DLC1: variants seen among roughly 807,000 people sequenced by gnomAD.
The protein encoded by DLC1 is DLC1 Rho GTPase activating protein.
In DLC1, 54 loss-of-function variants were observed where a neutral mutation model predicts 140.3. The observed-to-expected ratio is 0.38, with a 90% confidence interval of 0.31 to 0.48. The LOEUF is 0.48. Among genes scored for constraint, DLC1 ranks in the 20% least tolerant of loss-of-function variants. The probability of loss-of-function intolerance (pLI) is 0.96; values close to 1 mark genes in which losing one functional copy is unlikely to be tolerated. For missense variants in DLC1, 2,536 were observed against 1,907.0 expected (o/e 1.33, Z -6.14); for synonymous variants, 986 against 728.1 (o/e 1.35, Z -5.70).
At chr8:13,144,796 T>G (rs1414630847) in intron 5 of DLC1, among the ~76,000 whole-genome samples, 1 of 152,132 alleles carries the variant, frequency 6.6e-6, no homozygotes, top group East Asian at 1.9e-4. Flanking sequence ...AAATTCTCTC[T>G]CATCCATCTA....
chr8:13,303,826 T>C (rs1187745484), intron 5 of DLC1, among the ~76,000 whole-genome samples: 1 of 152,046 alleles, frequency 6.6e-6, no homozygotes, highest in African/African-American at 2.4e-5. Context: ...AAAATAAAAA[T>C]ATTTTCAAAA....
intron 5 of DLC1, among the ~76,000 whole-genome samples, chr8:13,240,089 C>A (rs1350648564): frequency 6.6e-6 from 1 of 151,922 alleles, no homozygotes; most frequent in African/African-American, 2.4e-5. Flanking sequence ...TTTTTTTAAG[C>A]CCCTCATGGA....
At chr8:13,309,278 C>G (rs772049891) in intron 4 of DLC1, among the ~76,000 whole-genome samples, 3 of 152,078 alleles carry the variant, frequency 2.0e-5, no homozygotes, top group Non-Finnish European at 2.9e-5. Context: ...GGAAAGTCTA[C>G]AAATGACTTC....
chr8:13,581,499 A>G (rs528799394), intron 1 of DLC1, among the ~76,000 whole-genome samples: 1 of 152,294 alleles, frequency 6.6e-6, no homozygotes, highest in East Asian at 1.9e-4. Flanking sequence ...CTGATGTACT[A>G]TGTCCAATCC....
intron 5 of DLC1, among the ~76,000 whole-genome samples, chr8:13,124,783 C>G (rs972225119): frequency 1.3e-5 from 2 of 152,198 alleles, no homozygotes; most frequent in African/African-American, 4.8e-5. Context: ...CACCTTCTCT[C>G]TAAGACCACC....
intron 1 of DLC1, among the ~76,000 whole-genome samples, chr8:13,602,431 C>T (rs1266169869): frequency 1.3e-5 from 2 of 151,610 alleles, no homozygotes; most frequent in East Asian, 1.9e-4. Context: ...TCATTGCATT[C>T]CAGTAATTTA....
At chr8:13,171,820 C>T (rs1175860919) in intron 5 of DLC1, among the ~76,000 whole-genome samples, 1 of 152,074 alleles carries the variant, frequency 6.6e-6, no homozygotes, top group Non-Finnish European at 1.5e-5. Flanking sequence ...CCCTTGGGGA[C>T]GTCAGTGTTT....
chr8:13,555,050 A>T (rs2117366810), intron 1 of DLC1, among the ~76,000 whole-genome samples: 1 of 152,306 alleles, frequency 6.6e-6, no homozygotes, highest in African/African-American at 2.4e-5. Context: ...TGCTCTTCTC[A>T]TTGGCTGTTC....
chr8:13,175,563 TA>T (rs927115259), intron 5 of DLC1, among the ~76,000 whole-genome samples: 5 of 152,182 alleles, frequency 3.3e-5, no homozygotes, highest in South Asian at 2.1e-4. Flanking sequence ...AAATTCAACT[TA>T]AAAAAATAAC....
chr8:13,098,532 T>G lies in DLC1; in HGVS notation c.3034A>C (p.Ser1012Arg). Residue 1012 changes from serine (S) to arginine (R), a missense_variant, in exon 10 of 18, where the codon AGC becomes CGC. Transcript: ENST00000276297. ...ATCTGTAGTGATACAGAGTTGAGGCTTGGCCGATGTGAGCTCTGGAAACTG... is the reference window on the plus strand; with the variant it reads ...ATCTGTAGTGATACAGAGTTGAGGCGTGGCCGATGTGAGCTCTGGAAACTG... ...WHSFQSSHRP[S>R]LNSVSLQINC... 1 of 1,614,228 alleles carries G rather than the reference T, an allele frequency of 6.2e-7. No homozygotes were observed. The highest frequency in any genetic ancestry group is 2.2e-5 in the East Asian group (1 of 44,888).
chr8:13,350,454 G>A (rs947717631), intron 4 of DLC1, among the ~76,000 whole-genome samples: 9 of 152,072 alleles, frequency 5.9e-5, no homozygotes, highest in Admixed American at 2.6e-4. Flanking sequence ...GGTGGCTCAC[G>A]TCTGTAATCT....
At chr8:13,258,264 C>T (rs1281266708) in intron 5 of DLC1, among the ~76,000 whole-genome samples, 2 of 152,136 alleles carry the variant, frequency 1.3e-5, no homozygotes, top group East Asian at 1.9e-4. Context: ...TGTAAATCCT[C>T]GACTTCACTA....
chr8:13,273,729 T>TGTGTGTG (rs1831045884), intron 5 of DLC1, among the ~76,000 whole-genome samples: 4 of 55,632 alleles, frequency 7.2e-5, no homozygotes, highest in African/African-American at 1.9e-4. Context: ...TGTGTGTGTG[T>TGTGTGTG]AAGGGGGAAG....
intron 4 of DLC1, among the ~76,000 whole-genome samples, chr8:13,309,943 AGAAAT>A (rs759232745): frequency 1.3e-5 from 2 of 152,172 alleles, no homozygotes; most frequent in African/African-American, 2.4e-5. Context: ...TTTCTATTTT[AGAAAT>A]GAAATGAAAT....
chr8:13,560,416 A>G (rs1185778484), intron 1 of DLC1, among the ~76,000 whole-genome samples: 1 of 152,168 alleles, frequency 6.6e-6, no homozygotes, highest in Non-Finnish European at 1.5e-5. Context: ...TATAACGTGT[A>G]CTCACAAGGC....
intron 12 of DLC1, among the ~76,000 whole-genome samples, chr8:13,093,234 G>T (rs921264823): frequency 1.2e-4 from 18 of 152,008 alleles, no homozygotes; most frequent in Admixed American, 9.8e-4. Flanking sequence ...TCTTATCTGA[G>T]ATATGTACAA....
intron 5 of DLC1, among the ~76,000 whole-genome samples, chr8:13,297,873 T>TG (rs938457774): frequency 1.6e-4 from 25 of 151,900 alleles, no homozygotes; most frequent in Middle Eastern, 3.4e-3. Context: ...TTAGTTTTTT[T>TG]TTGTTGTTGT....
chr8:13,491,036 A>C (rs1801213040), intron 2 of DLC1, among the ~76,000 whole-genome samples: 1 of 147,896 alleles, frequency 6.8e-6, no homozygotes, highest in South Asian at 2.1e-4. Flanking sequence ...ATATATATAA[A>C]TTTAGAATAT....
chr8:13,432,655 G>C (rs1270430348), intron 2 of DLC1, among the ~76,000 whole-genome samples: 1 of 152,198 alleles, frequency 6.6e-6, no homozygotes, highest in East Asian at 1.9e-4. Flanking sequence ...AACGTGTAAA[G>C]TGCCTCAGTG....
Sources: gnomAD v4.1 joint callset for allele counts (sites outside exome capture counted in the v4.1 genomes callset) on GRCh38, gnomAD v4.1.1 for gene constraint, MANE v1.5 for transcripts, NCBI Gene and HGNC (gene_info 2026-07-23, HGNC 2026-07-21) for gene names.